PCDHA7: variants seen among roughly 807,000 people sequenced by gnomAD.
PCDHA7 encodes the protein protocadherin alpha 7.
Under a neutral mutation model 57.2 loss-of-function variants are expected in PCDHA7, and 37 were observed. That is an observed-to-expected ratio of 0.65 (90% CI 0.50 to 0.85). The LOEUF (loss-of-function observed/expected upper bound fraction) is 0.85. Ranked by LOEUF, PCDHA7 falls within the 40% of genes least tolerant of loss-of-function variation. The pLI, the probability that PCDHA7 is intolerant of heterozygous loss-of-function variation, is 0.00. For synonymous variants in PCDHA7, 553 were observed against 558.8 expected (o/e 0.99, Z 0.15); for missense variants, 1,188 against 1,241.8 (o/e 0.96, Z 0.65).
chr5:140,948,142 T>G (rs1194720907), intron 1 of PCDHA7, among the ~76,000 whole-genome samples: 1 of 151,674 alleles, frequency 6.6e-6, no homozygotes, highest in Admixed American at 6.6e-5. Flanking sequence ...CTAATTGATT[T>G]TTGAATGTTG....
chr5:140,870,480 C>T, intron 1 of PCDHA7: 1 of 1,614,236 alleles, frequency 6.2e-7, no homozygotes, highest in Non-Finnish European at 8.5e-7. Context: ...AGCCCGAGTA[C>T]ACCGTGTTCG....
chr5:140,937,790 T>G (rs2091754196), intron 1 of PCDHA7, among the ~76,000 whole-genome samples: 1 of 151,512 alleles, frequency 6.6e-6, no homozygotes, highest in Non-Finnish European at 1.5e-5. Flanking sequence ...CGGGCGTATG[T>G]AGTCCCAGCT....
At chr5:140,935,245 T>A (rs1409133658) in intron 1 of PCDHA7, among the ~76,000 whole-genome samples, 1 of 152,200 alleles carries the variant, frequency 6.6e-6, no homozygotes, top group Non-Finnish European at 1.5e-5. Flanking sequence ...TTTTAAAAGA[T>A]AAAATACATC....
rs200493520 is a variant in PCDHA7 at position 140,928,140 on chromosome 5, G to T, written c.2356-50809G>T. ...TCAGTGAATACCAAGTCCTGATCAC[G>T]GCCTCAGATAGTGGCTCACCCCCAC... On this transcript the variant is annotated intron_variant, in intron 1 of 3. Transcript: ENST00000525929. The T allele has an allele frequency of 2.5e-6, 4 of 1,614,154 alleles. No homozygotes were observed. In the East Asian group the frequency reaches 6.7e-5, roughly 27 times the overall value.
At chr5:140,970,221 C>G (rs2096390879) in intron 1 of PCDHA7, among the ~76,000 whole-genome samples, 1 of 152,182 alleles carries the variant, frequency 6.6e-6, no homozygotes, top group South Asian at 2.1e-4. Context: ...TTAAATGCAG[C>G]CTGTAATCTT....
chr5:140,871,522 A>G (rs1554165699), intron 1 of PCDHA7: 1 of 1,549,186 alleles, frequency 6.5e-7, no homozygotes, highest in Non-Finnish European at 8.7e-7. Context: ...TCCACCTATC[A>G]GGAAGTGTAT....
chr5:140,845,803 T>C (rs1319133517), intron 1 of PCDHA7, among the ~76,000 whole-genome samples: 3 of 149,694 alleles, frequency 2.0e-5, no homozygotes, highest in Non-Finnish European at 4.5e-5. Flanking sequence ...TGGCAAGTGA[T>C]AGGTACATAA....
In PCDHA7 at chr5:140,986,314, A is replaced by G. The variant is rs551389701; in HGVS notation, c.2503+3751A>G. On this transcript the variant is annotated intron_variant, in intron 3 of 3. Transcript: ENST00000525929. ...TGAGCAGAGAGAGAAAATTAGCTAA[A>G]TCAGGAATGCAGGGAATACAGTTGC... 9.4e-4 allele frequency among the ~76,000 whole-genome samples: 143 copies of G among 152,196 alleles called. 1 individual carries two copies. The highest frequency in any genetic ancestry group is 1.6e-3 in the Non-Finnish European group (110 of 68,030).
At chr5:141,002,956 G>C (rs782632089) in intron 3 of PCDHA7, among the ~76,000 whole-genome samples, 6 of 152,230 alleles carry the variant, frequency 3.9e-5, no homozygotes, top group Non-Finnish European at 7.3e-5. Context: ...GCCCCTCTGA[G>C]AGCTTTCCTG....
chr5:140,884,304 C>T (rs1562802468), intron 1 of PCDHA7: 1 of 1,613,710 alleles, frequency 6.2e-7, no homozygotes, highest in East Asian at 2.2e-5. Context: ...CCACAGGCTT[C>T]GTCGAGGGCG....
At chr5:141,000,381 CTCTCTCTCTCTCTCTA>C (rs1443323474) in intron 3 of PCDHA7, among the ~76,000 whole-genome samples, 1 of 61,380 alleles carries the variant, frequency 1.6e-5, no homozygotes, top group African/African-American at 7.4e-5. Flanking sequence ...CTCTCTCTCT[CTCTCTCTCTCTCTCTA>C]TATATATATA....
intron 1 of PCDHA7, chr5:140,863,386 T>C (rs1554158163): frequency 9.7e-7 from 1 of 1,032,576 alleles, no homozygotes; most frequent in South Asian, 1.2e-5. Flanking sequence ...CGAGAGCTCG[T>C]GCATGCCGGG....
intron 1 of PCDHA7, chr5:140,855,854 T>A: frequency 1.5e-6 from 1 of 683,620 alleles, no homozygotes; most frequent in South Asian, 2.3e-5. Flanking sequence ...AGCCACCGGA[T>A]GTCGCTGTCG....
intron 1 of PCDHA7, chr5:140,882,622 T>C (rs782369081): frequency 1.1e-4 from 185 of 1,614,060 alleles, no homozygotes; most frequent in Non-Finnish European, 1.5e-4. Context: ...AGGTTTTCCA[T>C]GTGGAGGTGA....
chr5:141,004,768 A>G (rs2098180289), intron 3 of PCDHA7, among the ~76,000 whole-genome samples: 1 of 152,160 alleles, frequency 6.6e-6, no homozygotes, highest in Non-Finnish European at 1.5e-5. Flanking sequence ...CAGGACCTGT[A>G]TTTTAAAGGT....
intron 1 of PCDHA7, among the ~76,000 whole-genome samples, chr5:140,920,261 A>T (rs535022961): frequency 3.3e-4 from 50 of 152,226 alleles, no homozygotes; most frequent in Non-Finnish European, 2.8e-4. Context: ...TATAATAATT[A>T]TTACTTTATG....
intron 1 of PCDHA7, chr5:140,927,767 A>G (rs2084615997): frequency 6.2e-7 from 1 of 1,614,176 alleles, no homozygotes. Context: ...AAAAGTGGGG[A>G]GGTGCAAGTA....
At chr5:140,858,175 G>A in intron 1 of PCDHA7, 2 of 1,597,716 alleles carry the variant, frequency 1.3e-6, no homozygotes, top group Non-Finnish European at 1.7e-6. Flanking sequence ...CCAGCTTGCT[G>A]GTGCTCACGC....
At chr5:140,850,803 A>T in intron 1 of PCDHA7, 1 of 1,598,380 alleles carries the variant, frequency 6.3e-7, no homozygotes, top group East Asian at 2.2e-5. Flanking sequence ...GACCGACCTC[A>T]TGGCCTTCAG....
Sources: allele counts gnomAD v4.1 joint callset (sites outside exome capture counted in the v4.1 genomes callset), GRCh38; gene constraint gnomAD v4.1.1; transcripts MANE v1.5; gene names NCBI Gene and HGNC (gene_info 2026-07-23, HGNC 2026-07-21).